Variants in INPP5E observed in about 807,000 individuals in gnomAD.
The protein encoded by INPP5E is inositol polyphosphate-5-phosphatase E.
Under a neutral mutation model 50.5 loss-of-function variants are expected in INPP5E, and 34 were observed. The ratio of observed to expected loss-of-function variants is 0.67; its 90% CI spans 0.51 to 0.90. INPP5E has a LOEUF of 0.90. Ranked by LOEUF, INPP5E falls within the 40% of genes least tolerant of loss-of-function variation. The pLI, the probability that INPP5E is intolerant of heterozygous loss-of-function variation, is 0.00. For missense variants in INPP5E, 942 were observed against 905.5 expected (o/e 1.04, Z -0.52); for synonymous variants, 447 against 406.0 (o/e 1.10, Z -1.21).
rs954352514 is a variant in INPP5E at position 136,428,776 on chromosome 9, T to C, written c.*899A>G. The C allele has an allele frequency of 1.3e-5, 2 of 152,506 alleles. No homozygotes were observed. Among genetic ancestry groups the C allele is most frequent in the African/African-American group, 4.8e-5 (2 of 41,416 alleles). The allele number at this position is 152,506 out of a possible 1,614,324, so 9.4% of individuals were successfully genotyped here. ...AGCAAGAATGAACGGTTCTATACTC[T>C]CGAAGAAAGAAACCCGGGACATGGT... is the stretch of plus-strand genomic sequence containing the variant. On this transcript the variant is annotated 3_prime_UTR_variant, in exon 10 of 10. Coordinates refer to ENST00000371712, the MANE Select transcript of INPP5E (RefSeq NM_019892.6).
chr9:136,438,056 G>A (rs768606721), intron 1 of INPP5E: 21 of 160,296 alleles, frequency 1.3e-4, no homozygotes, highest in Non-Finnish European at 2.6e-4. Context: ...ACTTTGGGAG[G>A]CCGAGGCCAG....
At chr9:136,432,372 G>T in intron 6 of INPP5E, 107 bp downstream of exon 6, 1 of 780,128 alleles carries the variant, frequency 1.3e-6, no homozygotes, top group South Asian at 1.5e-5. Context: ...TTCGGCCCTC[G>T]CTTCCCAAAG....
In INPP5E at chr9:136,432,418, C is replaced by T. The variant is rs1019483735; in HGVS notation, c.1387+61G>A. ...TGCCTCTTCAGAACTGCCCTAAAAACGACGGGCGCCCGTGTGCGAACCACG... is the reference window on the plus strand; with the variant it reads ...TGCCTCTTCAGAACTGCCCTAAAAATGACGGGCGCCCGTGTGCGAACCACG... On this transcript the variant is annotated intron_variant, in intron 6 of 9. Coordinates refer to ENST00000371712, the MANE Select transcript of INPP5E (RefSeq NM_019892.6). 9.1e-5 allele frequency: 109 copies of T among 1,193,154 alleles called. 1 individual carries two copies. The highest frequency in any genetic ancestry group is 8.8e-4 in the South Asian group (68 of 77,206). The allele number at this position is 1,193,154 out of a possible 1,614,324, so 73.9% of individuals were successfully genotyped here. A position where few individuals can be genotyped will look rare whatever the true frequency, so the allele number is the denominator to read the frequency against.
intron 8 of INPP5E, 21 bp downstream of exon 8, chr9:136,430,981 G>C: frequency 6.6e-7 from 1 of 1,509,768 alleles, no homozygotes; most frequent in Non-Finnish European, 9.2e-7. Context: ...ACTCTGCACC[G>C]CAGCGGTGGG....
At position 136,431,116 on chromosome 9, in the gene INPP5E, C is replaced by A. The variant is rs201644680; in HGVS notation, c.1551G>T (p.Gly517=). 1.2e-4 allele frequency: 198 copies of A among 1,607,218 alleles called. No individual in the cohort carries two copies. Among genetic ancestry groups the A allele is most frequent in the Non-Finnish European group, 1.6e-4 (193 of 1,174,742 alleles). Residue 517 remains glycine (G), a splice_region_variant and synonymous_variant, in exon 8 of 10, where the codon GGG becomes GGT. Transcript: ENST00000371712. ...HDQLIREMRK[G]SIFKGFQEPD... ...GCTCCTGGAAGCCCTTGAAGATGGA[C>A]CCTGCCACAGGATGGGCACTCGGAC... is the stretch of plus-strand genomic sequence containing the variant.
At chr9:136,435,779 A>ATG (rs1381693570) in intron 1 of INPP5E, 1 of 152,104 alleles carries the variant, frequency 6.6e-6, no homozygotes. Context: ...CCACCAGGGG[A>ATG]TGTGGACACA....
In INPP5E at chr9:136,433,344, G is replaced by C. The variant is rs114398337; in HGVS notation, c.1035-65C>G. 462 of 1,516,790 alleles carry C rather than the reference G, an allele frequency of 3.0e-4. 2 individuals carry two copies. In the African/African-American group the frequency reaches 4.8e-3, roughly 16 times the overall value. 94.0% of individuals were successfully genotyped at this position (1,516,790 alleles called of 1,614,324 possible). A position where few individuals can be genotyped will look rare whatever the true frequency, so the allele number is the denominator to read the frequency against. On this transcript the variant is annotated intron_variant, in intron 3 of 9. Coordinates refer to ENST00000371712, the MANE Select transcript of INPP5E (RefSeq NM_019892.6). The stretch of plus-strand genomic sequence containing the variant: ...TCCCAGCTCCGCCACCCCCAGACCT[G>C]CTGCCCAGAGCCCCTCGAGGAGCTA...
In INPP5E at chr9:136,433,337, C is replaced by G. The variant is rs558556980; in HGVS notation, c.1035-58G>C. 15 of 1,530,272 alleles carry G rather than the reference C, an allele frequency of 9.8e-6. 1 individual carries two copies. The South Asian group carries it at 1.7e-4, about 17-fold the overall frequency. 94.8% of individuals were successfully genotyped at this position (1,530,272 alleles called of 1,614,324 possible). A position where few individuals can be genotyped will look rare whatever the true frequency, so the allele number is the denominator to read the frequency against. ...CATGGCCTCCCAGCTCCGCCACCCC[C>G]AGACCTGCTGCCCAGAGCCCCTCGA... On this transcript the variant is annotated intron_variant, in intron 3 of 9. Coordinates refer to ENST00000371712, the MANE Select transcript of INPP5E (RefSeq NM_019892.6).
Position 136,433,233 on chromosome 9 carries a change from C to A in INPP5E, c.1081G>T (p.Val361Leu). ...RLQETLGPHY[V>L]LLSSAAHGVL... ...CCGTGGGCCGCCGAGGACAGCAGCACATAGTGCGGGCCCAGCGTCTCCTGC... is the reference window on the plus strand; with the variant it reads ...CCGTGGGCCGCCGAGGACAGCAGCAAATAGTGCGGGCCCAGCGTCTCCTGC... The change falls in exon 4 of 10, where the codon GTG (valine) becomes TTG (leucine). Residue 361 changes from valine (V) to leucine (L), a missense_variant. Physicochemically the swap from Val to Leu is conservative, Grantham distance 32 (BLOSUM62 1). Transcript: ENST00000371712. 6.3e-7 allele frequency: 1 copy of A among 1,596,170 alleles called. No homozygotes were observed. The highest frequency in any genetic ancestry group is 8.5e-7 in the Non-Finnish European group (1 of 1,178,286).
rs1347189133 is a variant in INPP5E at position 136,429,722 on chromosome 9, GCTGC to G, written c.1884_1887del (p.Arg628SerfsTer20). 6.2e-7 allele frequency: 1 copy of G among 1,614,074 alleles called. No homozygotes were observed. ...CTGGAGTTCTGACTCTGTAGTGCTT[GCTGC>G]CTCTGAATCTCCTTCGAAATCCGTC... On this transcript the variant is annotated frameshift_variant, in exon 10 of 10. Coordinates refer to ENST00000371712, the MANE Select transcript of INPP5E (RefSeq NM_019892.6). LOFTEE classifies it low-confidence loss of function (END_TRUNC).
At chr9:136,430,525 G>A in intron 8 of INPP5E, 112 bp from the exon 9 acceptor site, 1 of 1,298,714 alleles carries the variant, frequency 7.7e-7, no homozygotes, top group African/African-American at 1.5e-5. Flanking sequence ...AGCCTTCTGG[G>A]ACCCCTGACA....
rs190316580 is a variant in INPP5E at position 136,429,827 on chromosome 9, G to A, written c.1803-20C>T. 1,634 of 1,610,946 alleles carry A rather than the reference G, an allele frequency of 1.0e-3. 3 individuals carry two copies. Among genetic ancestry groups the A allele is most frequent in the Non-Finnish European group, 1.3e-3 (1,495 of 1,178,884 alleles). On this transcript the variant is annotated intron_variant, in intron 9 of 9. Transcript: ENST00000371712. ...GGAATGCTGTGGAGGAGGAGGGGGC[G>A]TTAGGAGGGCACCCAGGGCCAGGAG...
intron 2 of INPP5E, 137 bp downstream of exon 2, chr9:136,434,603 G>C: frequency 1.7e-6 from 2 of 1,191,896 alleles, no homozygotes; most frequent in Non-Finnish European, 2.4e-6. Context: ...CCTGTACTGC[G>C]GTTAGCAGTG....
intron 8 of INPP5E, among the ~76,000 whole-genome samples, chr9:136,430,766 G>A (rs1045787734): frequency 8.5e-5 from 13 of 152,158 alleles, no homozygotes; most frequent in East Asian, 3.9e-4. Context: ...TCTGCAGGCC[G>A]GAGGCGAGGG....
At chr9:136,429,852 G>A (rs1835657489) in intron 9 of INPP5E, 45 bp from the exon 10 acceptor site, 1 of 1,580,112 alleles carries the variant, frequency 6.3e-7, no homozygotes, top group South Asian at 1.1e-5. Flanking sequence ...AGGGCCAGGA[G>A]GAGGGGGCGT....
rs903053415 is a variant in INPP5E, at chr9:136,439,249, C to G, written c.171G>C (p.Thr57=). Residue 57 remains threonine, a synonymous_variant, in exon 1 of 10, where the codon ACG becomes ACC. Coordinates refer to ENST00000371712, the MANE Select transcript of INPP5E (RefSeq NM_019892.6). ...SPALACSTPA[T]PSGEDPPARA... ...GGGCTGGCGGGTCCTCGCCGCTGGG[C>G]GTGGCCGGAGTGCTGCAGGCAAGCG... 2.6e-6 allele frequency: 4 copies of G among 1,514,856 alleles called. No homozygotes were observed. The highest frequency in any genetic ancestry group is 3.5e-6 in the Non-Finnish European group (4 of 1,137,182). 93.8% of individuals were successfully genotyped at this position (1,514,856 alleles called of 1,614,324 possible).
chr9:136,431,853 T>C lies in INPP5E; in HGVS notation c.1520A>G (p.His507Arg). Reference sequence around the variant, plus strand: ...CCGCATCTCCCGGATGAGCTGGTCGTGCTGCAGCAGCGCCGGCACGTCCAC... The same window carrying C: ...CCGCATCTCCCGGATGAGCTGGTCGCGCTGCAGCAGCGCCGGCACGTCCAC... ...LVVDVPALLQ[H>R]DQLIREMRKG... is the part of the protein sequence containing the mutation. The change falls in exon 7 of 10, where the codon CAC becomes CGC. Residue 507 changes from histidine (H) to arginine (R), a missense_variant. Physicochemically the swap from His to Arg is conservative, Grantham distance 29 (BLOSUM62 0). Transcript: ENST00000371712. The C allele has an allele frequency of 6.2e-7, 1 of 1,600,368 alleles. No homozygotes were observed. Among genetic ancestry groups the C allele is most frequent in the Non-Finnish European group, 8.5e-7 (1 of 1,175,178 alleles).
At position 136,430,304 on chromosome 9, in the gene INPP5E, CG is replaced by C; in HGVS notation, c.1774del (p.Arg592GlyfsTer2). ...SDHRPVYGLF[R>X]VKVRPGRDNI... ...GTCTCGCCCCGGCCTCACTTTCACCCGGAAGAGGCCATACACAGGGCGGTGG... is the reference window on the plus strand; with the variant it reads ...GTCTCGCCCCGGCCTCACTTTCACCCGAAGAGGCCATACACAGGGCGGTGG... On this transcript the variant is annotated frameshift_variant, in exon 9 of 10. Coordinates refer to ENST00000371712, the MANE Select transcript of INPP5E (RefSeq NM_019892.6). LOFTEE classifies it high-confidence loss of function. 6.4e-7 allele frequency: 1 copy of C among 1,551,660 alleles called. No individual in the cohort carries two copies. Among genetic ancestry groups the C allele is most frequent in the Admixed American group, 2.0e-5 (1 of 51,000 alleles).
In INPP5E at chr9:136,429,556, G is replaced by A; in HGVS notation, c.*119C>T. ...TTCCTTCCTGGGACGCTGGCACAGA[G>A]GCACGGTCGCCACAGTCCCTCGGAT... On this transcript the variant is annotated 3_prime_UTR_variant, in exon 10 of 10. Transcript: ENST00000371712. 1.5e-6 allele frequency: 2 copies of A among 1,350,076 alleles called. No homozygotes were observed. The highest frequency in any genetic ancestry group is 2.1e-6 in the Non-Finnish European group (2 of 954,102). The allele number at this position is 1,350,076 out of a possible 1,614,324, so 83.6% of individuals were successfully genotyped here. A position where few individuals can be genotyped will look rare whatever the true frequency, so the allele number is the denominator to read the frequency against.
Sources: allele counts gnomAD v4.1 joint callset (sites outside exome capture counted in the v4.1 genomes callset), GRCh38; gene constraint gnomAD v4.1.1; transcripts MANE v1.5; gene names NCBI Gene and HGNC (gene_info 2026-07-23, HGNC 2026-07-21).